Variants in SSBP3 observed in about 807,000 individuals in gnomAD.
The protein encoded by SSBP3 is single-stranded DNA-binding protein 3.
In SSBP3, 5 loss-of-function variants were observed where a neutral mutation model predicts 69.6. That is an observed-to-expected ratio of 0.07 (90% CI 0.04 to 0.15). The LOEUF is 0.15. Ranked by LOEUF, SSBP3 falls within the 10% of genes least tolerant of loss-of-function variation. The pLI is 1.00. For synonymous variants in SSBP3, 196 were observed against 193.4 expected (o/e 1.01, Z -0.11); for missense variants, 312 against 534.0 (o/e 0.58, Z 4.10).
intron 4 of SSBP3, among the ~76,000 whole-genome samples, chr1:54,309,409 A>C (rs949303799): frequency 6.6e-6 from 1 of 152,234 alleles, no homozygotes; most frequent in African/African-American, 2.4e-5. Flanking sequence ...GATAACCAAG[A>C]CAACATCGGC....
intron 5 of SSBP3, among the ~76,000 whole-genome samples, chr1:54,280,474 C>CT (rs1218676113): frequency 2.0e-5 from 3 of 152,204 alleles, no homozygotes; most frequent in African/African-American, 7.2e-5. Context: ...TTTCTGCCTC[C>CT]TTTTCCACAC....
Position 54,227,178 on chromosome 1 carries a change from A to T in SSBP3, c.1138-18T>A. On this transcript the variant is annotated intron_variant, in intron 17 of 17. Coordinates refer to ENST00000610401, the Ensembl canonical transcript of SSBP3. ...GGAGAATACTGGAAAGGAGAAGCAGAGAAGGGGGGGGGGTGAGGATTGTGG... is the reference window on the plus strand; with the variant it reads ...GGAGAATACTGGAAAGGAGAAGCAGTGAAGGGGGGGGGGTGAGGATTGTGG... 5.8e-6 allele frequency: 3 copies of T among 512,998 alleles called. No individual in the cohort carries two copies. Among genetic ancestry groups the T allele is most frequent in the Non-Finnish European group, 9.2e-6 (3 of 325,848 alleles). The allele number at this position is 512,998 out of a possible 1,614,324, so 31.8% of individuals were successfully genotyped here.
chr1:54,225,856 A>G (rs957554493), exon 18 of SSBP3: 3 of 153,108 alleles, frequency 2.0e-5, no homozygotes, highest in Non-Finnish European at 4.4e-5. Context: ...GACTGGAGCC[A>G]GCACGTCTGT....
At position 54,238,280 on chromosome 1, in the gene SSBP3, A is replaced by G. The variant is rs114822826; in HGVS notation, c.927+849T>C. On this transcript the variant is annotated intron_variant, in intron 14 of 17. Transcript: ENST00000610401. ...AAACCAGAGTGCCCCAAAAGGCCCT[A>G]CCCCCTCAACCAGGCCAAAGCCTCG... The G allele has an allele frequency of 4.1e-3, 1,908 of 470,970 alleles. 29 individuals carry two copies. Among genetic ancestry groups the G allele is most frequent in the African/African-American group, 0.034 (1,717 of 50,186 alleles). The allele number at this position is 470,970 out of a possible 1,614,324, so 29.2% of individuals were successfully genotyped here.
At chr1:54,398,309 G>C (rs551330831) in intron 4 of SSBP3, among the ~76,000 whole-genome samples, 1 of 152,230 alleles carries the variant, frequency 6.6e-6, no homozygotes, top group African/African-American at 2.4e-5. Flanking sequence ...TATGTGTAGT[G>C]TAAGAATCCA....
At chr1:54,389,598 C>T (rs1342317155) in intron 4 of SSBP3, among the ~76,000 whole-genome samples, 1 of 152,108 alleles carries the variant, frequency 6.6e-6, no homozygotes, top group Admixed American at 6.5e-5. Context: ...GTGGCTTACA[C>T]CTGTAATCCC....
chr1:54,273,934 G>T (rs891568537), intron 5 of SSBP3, among the ~76,000 whole-genome samples: 11 of 152,210 alleles, frequency 7.2e-5, no homozygotes, highest in Non-Finnish European at 1.6e-4. Context: ...AGCAGTTGGG[G>T]CGCCCCACCT....
rs59809996 is a variant in SSBP3, at chr1:54,381,382, CAAAA to C, written c.276+20475_276+20478del. Among the ~76,000 whole-genome samples, 23 of 69,492 alleles carry C rather than the reference CAAAA, an allele frequency of 3.3e-4. No homozygotes were observed. The South Asian group carries it at 8.6e-3, about 26-fold the overall frequency. 45.6% of individuals were successfully genotyped at this position (69,492 alleles called of 152,430 possible). A position where few individuals can be genotyped will look rare whatever the true frequency, so the allele number is the denominator to read the frequency against. On this transcript the variant is annotated intron_variant, in intron 4 of 17. Transcript: ENST00000610401. ...TGGGCGACAGAGTGATACACCATCT[CAAAA>C]AAAAAAAAAAAAAAAAAAAAAGAGA... is the stretch of plus-strand genomic sequence containing the variant.
chr1:54,289,200 G>C (rs1645560501), intron 4 of SSBP3, among the ~76,000 whole-genome samples: 1 of 152,090 alleles, frequency 6.6e-6, no homozygotes, highest in Non-Finnish European at 1.5e-5. Flanking sequence ...ATATGTTTTT[G>C]TGCTTCCCCA....
intron 4 of SSBP3, among the ~76,000 whole-genome samples, chr1:54,384,569 T>A (rs1647937881): frequency 1.3e-5 from 2 of 152,212 alleles, no homozygotes; most frequent in Admixed American, 1.3e-4. Flanking sequence ...ATGTCTAAAC[T>A]GAGACATGAA....
chr1:54,280,851 G>GT (rs1475055760), intron 5 of SSBP3, among the ~76,000 whole-genome samples: 1 of 152,186 alleles, frequency 6.6e-6, no homozygotes, highest in East Asian at 1.9e-4. Flanking sequence ...CGTGGGATCT[G>GT]TTCCTGCCTG....
At chr1:54,384,929 T>C (rs183498315) in intron 4 of SSBP3, among the ~76,000 whole-genome samples, 11 of 152,208 alleles carry the variant, frequency 7.2e-5, no homozygotes, top group African/African-American at 2.2e-4. Context: ...ACAGCTCACA[T>C]GGGCCTCCAG....
chr1:54,250,628 T>C lies in SSBP3; in HGVS notation c.651+988A>G, dbSNP rs1173508112. Among the ~76,000 whole-genome samples the C allele has an allele frequency of 4.0e-5, 6 of 151,190 alleles. 1 individual carries two copies. Among genetic ancestry groups the C allele is most frequent in the South Asian group, 2.1e-4 (1 of 4,738 alleles). ...GAACACCTGCACGCAACCAAGGGAGTGACCAGTGCAGCAGACTCCAGGCAG... is the reference window on the plus strand; with the variant it reads ...GAACACCTGCACGCAACCAAGGGAGCGACCAGTGCAGCAGACTCCAGGCAG... On this transcript the variant is annotated intron_variant, in intron 9 of 17. Coordinates refer to ENST00000610401, the Ensembl canonical transcript of SSBP3.
intron 4 of SSBP3, among the ~76,000 whole-genome samples, chr1:54,382,372 G>C (rs1647718891): frequency 6.6e-6 from 1 of 152,186 alleles, no homozygotes; most frequent in African/African-American, 2.4e-5. Context: ...ACTGCACCCA[G>C]CCAGTTAGCA....
intron 4 of SSBP3, among the ~76,000 whole-genome samples, chr1:54,394,895 G>C (rs1442592829): frequency 3.3e-5 from 5 of 151,650 alleles, no homozygotes; most frequent in Admixed American, 6.6e-5. Flanking sequence ...AATAGAGATG[G>C]GGTTTCACCA....
intron 4 of SSBP3, among the ~76,000 whole-genome samples, chr1:54,369,218 C>CGGCGGG (rs562400097): frequency 1.3e-3 from 156 of 124,698 alleles, no homozygotes; most frequent in African/African-American, 4.9e-3. Context: ...CCTCTTGAGT[C>CGGCGGG]GGGGGGGGGG....
intron 9 of SSBP3, among the ~76,000 whole-genome samples, chr1:54,243,746 C>G (rs1022622521): frequency 6.6e-6 from 1 of 152,158 alleles, no homozygotes; most frequent in Non-Finnish European, 1.5e-5. Flanking sequence ...CCTGAGAAGC[C>G]TGCCCGAGGC....
At chr1:54,333,298 T>C (rs1244877074) in intron 4 of SSBP3, among the ~76,000 whole-genome samples, 1 of 152,188 alleles carries the variant, frequency 6.6e-6, no homozygotes, top group Non-Finnish European at 1.5e-5. Flanking sequence ...TGCCTATTCC[T>C]GGCCATTTGG....
chr1:54,307,350 CCT>C (rs1365805097), intron 4 of SSBP3, among the ~76,000 whole-genome samples: 2 of 152,188 alleles, frequency 1.3e-5, no homozygotes, highest in African/African-American at 4.8e-5. Flanking sequence ...CCAGGCACCC[CCT>C]GATCCAGGGA....
Sources: allele counts gnomAD v4.1 joint callset (sites outside exome capture counted in the v4.1 genomes callset), GRCh38; gene constraint gnomAD v4.1.1; transcripts MANE v1.5; gene names NCBI Gene and HGNC (gene_info 2026-07-23, HGNC 2026-07-21).